ARHGEF28: variants seen among roughly 807,000 people sequenced by gnomAD.
ARHGEF28 encodes 190 kDa guanine nucleotide exchange factor.
ARHGEF28 carries 152 observed loss-of-function variants against 206.6 expected under a neutral mutation model. That is an observed-to-expected ratio of 0.74 (90% CI 0.64 to 0.84). ARHGEF28 has a LOEUF of 0.84. Ranked by LOEUF, ARHGEF28 falls within the 40% of genes least tolerant of loss-of-function variation. ARHGEF28 has a pLI of 0.00. For synonymous variants in ARHGEF28, 763 were observed against 776.4 expected (o/e 0.98, Z 0.29); for missense variants, 2,028 against 2,073.2 (o/e 0.98, Z 0.42).
chr5:73,915,647 A>G lies in ARHGEF28; in HGVS notation c.4948+4072A>G, dbSNP rs145106506. ...TCTGAAAGGCAAAAACAAAGAAACA[A>G]CAATAAAAAAACCCAACATTTTATT... On this transcript the variant is annotated intron_variant, in intron 35 of 35. Coordinates refer to ENST00000513042, the MANE Select transcript of ARHGEF28 (RefSeq NM_001177693.2). Among the ~76,000 whole-genome samples the G allele has an allele frequency of 8.3e-3, 1,270 of 152,310 alleles. 15 individuals are homozygous for G. The highest frequency in any genetic ancestry group is 0.029 in the African/African-American group (1,196 of 41,572).
intron 2 of ARHGEF28, among the ~76,000 whole-genome samples, chr5:73,733,558 G>A (rs1002507913): frequency 6.6e-6 from 1 of 152,006 alleles, no homozygotes; most frequent in Non-Finnish European, 1.5e-5. Context: ...ATCTAAGACC[G>A]ATTACACTAA....
Position 73,857,792 on chromosome 5 carries a change from A to G in ARHGEF28, c.1914+13A>G. On this transcript the variant is annotated intron_variant, in intron 15 of 35. Transcript: ENST00000513042. ...GAATAAATCAAAGGTAATTAAAGTG[A>G]TTCACTTATTTTCTATAAAATATAG... The G allele has an allele frequency of 6.2e-7, 1 of 1,606,876 alleles. No homozygotes were observed. The highest frequency in any genetic ancestry group is 1.1e-5 in the South Asian group (1 of 89,418).
At chr5:73,826,436 C>A (rs1285899904) in intron 9 of ARHGEF28, among the ~76,000 whole-genome samples, 1 of 152,226 alleles carries the variant, frequency 6.6e-6, no homozygotes, top group Non-Finnish European at 1.5e-5. Flanking sequence ...GAGGCCTTCA[C>A]CTGACTTTCG....
At chr5:73,736,903 A>T (rs989216543) in intron 2 of ARHGEF28, among the ~76,000 whole-genome samples, 13 of 152,100 alleles carry the variant, frequency 8.5e-5, no homozygotes, top group African/African-American at 3.1e-4. Flanking sequence ...AAGAAAGGAC[A>T]AGGTCAGAAA....
intron 1 of ARHGEF28, among the ~76,000 whole-genome samples, chr5:73,681,981 G>A (rs1293763694): frequency 1.3e-5 from 2 of 152,138 alleles, no homozygotes; most frequent in Non-Finnish European, 2.9e-5. Context: ...CCATGTGGGA[G>A]GCTGAAGCAA....
chr5:73,889,029 G>T (rs1049359159), intron 26 of ARHGEF28, among the ~76,000 whole-genome samples: 13 of 152,158 alleles, frequency 8.5e-5, no homozygotes, highest in African/African-American at 3.1e-4. Context: ...GAAGAGTCAG[G>T]TGCACCCTAC....
intron 2 of ARHGEF28, among the ~76,000 whole-genome samples, chr5:73,700,102 C>T (rs2112283468): frequency 6.6e-6 from 1 of 152,258 alleles, no homozygotes; most frequent in South Asian, 2.1e-4. Context: ...GGATCAATCA[C>T]AATGTCCATC....
chr5:73,806,625 ATATC>A (rs1394830125), intron 9 of ARHGEF28, among the ~76,000 whole-genome samples: 5 of 142,288 alleles, frequency 3.5e-5, no homozygotes, highest in Admixed American at 7.2e-5. Flanking sequence ...TATATAGTAT[ATATC>A]TATATATACA....
intron 1 of ARHGEF28, among the ~76,000 whole-genome samples, chr5:73,658,037 A>C (rs1281065188): frequency 6.6e-6 from 1 of 152,110 alleles, no homozygotes; most frequent in Non-Finnish European, 1.5e-5. Context: ...GAGCGCAACT[A>C]TGCATTTAAG....
chr5:73,918,285 A>G (rs1763324055), intron 35 of ARHGEF28, among the ~76,000 whole-genome samples: 1 of 152,232 alleles, frequency 6.6e-6, no homozygotes, highest in Non-Finnish European at 1.5e-5. Context: ...GCAGCCATAG[A>G]CAATATGTAA....
chr5:73,641,801 T>C (rs1346606755), intron 1 of ARHGEF28, among the ~76,000 whole-genome samples: 1 of 152,190 alleles, frequency 6.6e-6, no homozygotes, highest in African/African-American at 2.4e-5. Flanking sequence ...TCATCAGGTA[T>C]GGAAAGATCA....
intron 33 of ARHGEF28, chr5:73,905,128 C>T (rs753582876): frequency 7.9e-5 from 12 of 152,336 alleles, no homozygotes; most frequent in Non-Finnish European, 1.3e-4. Flanking sequence ...ACCTGAACTC[C>T]GCCTCCTGTG....
intron 9 of ARHGEF28, among the ~76,000 whole-genome samples, chr5:73,798,814 G>A (rs561272662): frequency 9.2e-5 from 14 of 152,308 alleles, no homozygotes; most frequent in African/African-American, 1.2e-4. Flanking sequence ...CTGGCCAGGC[G>A]TGGTGGCTCA....
intron 2 of ARHGEF28, among the ~76,000 whole-genome samples, chr5:73,690,116 G>A (rs1210679195): frequency 6.6e-6 from 1 of 151,896 alleles, no homozygotes; most frequent in Non-Finnish European, 1.5e-5. Context: ...TTTATTTTTA[G>A]ATTATTGCTC....
chr5:73,866,084 A>G (rs117594998), intron 18 of ARHGEF28, 71 bp downstream of exon 18: 1 of 1,219,292 alleles, frequency 8.2e-7, no homozygotes, highest in South Asian at 1.5e-5. Flanking sequence ...CATTATAAAA[A>G]TATCTCCTTT....
intron 35 of ARHGEF28, among the ~76,000 whole-genome samples, chr5:73,930,446 T>C (rs283629): frequency 0.4 from 61,429 of 152,126 alleles, 12,584 homozygotes; most frequent in East Asian, 0.57. Context: ...ATTTTGGAGT[T>C]TCAAATGTGT....
At position 73,795,389 on chromosome 5, in the gene ARHGEF28, T is replaced by C; in HGVS notation, c.1022T>C (p.Leu341Ser). 1 of 1,613,438 alleles carries C rather than the reference T, an allele frequency of 6.2e-7. No individual in the cohort carries two copies. Among genetic ancestry groups the C allele is most frequent in the Non-Finnish European group, 8.5e-7 (1 of 1,179,458 alleles). ...CATGAAGACCAGCACAGCCTAGATT[T>C]GGGTATGAAATAACGCTTTTACCTA... is the stretch of plus-strand genomic sequence containing the variant. Reference protein sequence around the residue: ...NEHEDQHSLDLDRSFDILKKS... With the variant: ...NEHEDQHSLDSDRSFDILKKS... The change falls in exon 9 of 36, where the codon TTG (leucine) becomes TCG (serine). Residue 341 changes from leucine to serine, a missense_variant and splice_region_variant. By Grantham distance (145) the Leu-to-Ser change is moderately radical (BLOSUM62 -2). Around this residue, in one of 3 missense-constraint regions of ARHGEF28, gnomAD observed 1,002 missense variants for 1,015.3 expected, o/e 0.99. Coordinates refer to ENST00000513042, the MANE Select transcript of ARHGEF28 (RefSeq NM_001177693.2).
At chr5:73,727,826 C>T (rs57843760) in intron 2 of ARHGEF28, among the ~76,000 whole-genome samples, 3,000 of 152,236 alleles carry the variant, frequency 0.02, 96 homozygotes, top group African/African-American at 0.069. Context: ...CTCAGCAGGC[C>T]ATGGCCAATG....
At chr5:73,819,956 T>A (rs1756465182) in intron 9 of ARHGEF28, among the ~76,000 whole-genome samples, 1 of 152,198 alleles carries the variant, frequency 6.6e-6, no homozygotes, top group Admixed American at 6.5e-5. Context: ...CGTACGTTTT[T>A]AGGAAAGGCC....
Sources: gnomAD v4.1 joint callset for allele counts (sites outside exome capture counted in the v4.1 genomes callset) on GRCh38, gnomAD v4.1.1 for gene constraint, gnomAD v4.1.1 regional missense constraint, MANE v1.5 for transcripts, NCBI Gene and HGNC (gene_info 2026-07-23, HGNC 2026-07-21) for gene names.